The following LARS1 variants were observed in gnomAD, a reference collection of about 807,000 sequenced individuals.
LARS1 encodes leucine--tRNA ligase, cytoplasmic.
Under a neutral mutation model 162.8 loss-of-function variants are expected in LARS1, and 100 were observed. The ratio of observed to expected loss-of-function variants is 0.61; its 90% CI spans 0.52 to 0.73. The LOEUF (loss-of-function observed/expected upper bound fraction) is 0.73. LARS1 is among the 30% of genes least tolerant of loss of function. The probability of loss-of-function intolerance (pLI) is 0.00; values close to 1 mark genes in which losing one functional copy is unlikely to be tolerated. For missense variants in LARS1, 1,258 were observed against 1,408.9 expected (o/e 0.89, Z 1.71); for synonymous variants, 457 against 462.8 (o/e 0.99, Z 0.16).
intron 20 of LARS1, among the ~76,000 whole-genome samples, chr5:146,141,608 A>G (rs555948409): frequency 6.6e-6 from 1 of 151,998 alleles, no homozygotes; most frequent in African/African-American, 2.4e-5. Flanking sequence ...GTTTGAGACC[A>G]GCCTGGGCAA....
chr5:146,132,666 T>C, intron 23 of LARS1: 1 of 348,982 alleles, frequency 2.9e-6, no homozygotes, highest in Non-Finnish European at 5.1e-6. Context: ...ATTTATAAAA[T>C]AGAGCTAATA....
At chr5:146,128,626 G>T (rs758661667) in intron 27 of LARS1, 46 bp downstream of exon 27, 2 of 1,259,432 alleles carry the variant, frequency 1.6e-6, no homozygotes, top group African/African-American at 3.2e-5. Context: ...ACAACATAGG[G>T]AGCATACAAC....
chr5:146,143,330 T>C, intron 19 of LARS1, 82 bp downstream of exon 19: 2 of 1,501,186 alleles, frequency 1.3e-6, no homozygotes, highest in South Asian at 2.7e-5. Context: ...AAATAAATCT[T>C]ATTAAAACAT....
Position 146,132,962 on chromosome 5 carries a change from C to A in LARS1, c.2332G>T (p.Val778Phe). The A allele has an allele frequency of 1.2e-6, 2 of 1,614,114 alleles. No individual in the cohort carries two copies. The highest frequency in any genetic ancestry group is 1.7e-6 in the Non-Finnish European group (2 of 1,179,988). Residue 778 changes from valine to phenylalanine, a missense_variant, in exon 23 of 32, where the codon GTT becomes TTT. Physicochemically the swap from Val to Phe is conservative, Grantham distance 50. Coordinates refer to ENST00000394434, the MANE Select transcript of LARS1 (RefSeq NM_020117.11). ...YTWVEWVKEM[V>F]ANWDSLRSGP... Reference sequence around the variant, plus strand: ...CTTCTTAGGCTGTCCCAGTTGGCAACCATTTCTTTCACCCACTCTACCCAG... The same window carrying A: ...CTTCTTAGGCTGTCCCAGTTGGCAAACATTTCTTTCACCCACTCTACCCAG...
At chr5:146,179,728 T>C (rs1405884847) in intron 1 of LARS1, 1 of 419,382 alleles carries the variant, frequency 2.4e-6, no homozygotes, top group South Asian at 1.7e-5. Flanking sequence ...GCCTCCTGAA[T>C]AGCTGGGACT....
intron 15 of LARS1, among the ~76,000 whole-genome samples, chr5:146,147,550 C>A (rs1261975021): frequency 6.6e-6 from 1 of 151,960 alleles, no homozygotes; most frequent in Non-Finnish European, 1.5e-5. Context: ...CCATACGATT[C>A]TTTAAAAATA....
At chr5:146,157,271 A>T (rs1457279701) in intron 10 of LARS1, 132 bp downstream of exon 10, 2 of 749,848 alleles carry the variant, frequency 2.7e-6, no homozygotes, top group East Asian at 2.6e-5. Flanking sequence ...GCACCAAAAC[A>T]CACAAGACTT....
intron 19 of LARS1, 126 bp from the exon 20 acceptor site, chr5:146,143,210 G>T: frequency 1.2e-6 from 1 of 806,206 alleles, no homozygotes. Flanking sequence ...AACAAATAAG[G>T]ACAACAGCTT....
intron 4 of LARS1, among the ~76,000 whole-genome samples, chr5:146,170,210 T>C (rs1754199476): frequency 6.6e-6 from 1 of 152,200 alleles, no homozygotes; most frequent in Admixed American, 6.5e-5. Context: ...GTCAAGCCTG[T>C]AATCTCAGCA....
chr5:146,162,661 A>C (rs1249670939), intron 6 of LARS1, among the ~76,000 whole-genome samples: 6 of 152,234 alleles, frequency 3.9e-5, no homozygotes, highest in African/African-American at 1.4e-4. Context: ...TAAGCCAGAC[A>C]CTGACTTCTC....
chr5:146,129,175 T>G, intron 25 of LARS1, 57 bp from the exon 26 acceptor site: 1 of 1,424,952 alleles, frequency 7.0e-7, no homozygotes, highest in Non-Finnish European at 9.5e-7. Flanking sequence ...TATAACTATT[T>G]TACGGTTCTT....
chr5:146,153,649 T>C, intron 12 of LARS1, 85 bp downstream of exon 12: 1 of 984,044 alleles, frequency 1.0e-6, no homozygotes, highest in Non-Finnish European at 1.6e-6. Flanking sequence ...CATAGCTTTT[T>C]AGCCTAGTCC....
rs1220864726 is a variant in LARS1, at chr5:146,159,867, G to GAAC, written c.708-400_708-398dup. ...AATCAAGGAAGAATCTTAATTTGTA[G>GAAC]AACAAAGTATAAAATAAAACACAAA... On this transcript the variant is annotated intron_variant, in intron 7 of 31. Transcript: ENST00000394434. 5.3e-5 allele frequency among the ~76,000 whole-genome samples: 8 copies of GAAC among 151,898 alleles called. No individual in the cohort carries two copies. In the East Asian group the frequency reaches 1.6e-3, roughly 30 times the overall value.
chr5:146,159,592 T>C, intron 7 of LARS1, 122 bp from the exon 8 acceptor site: 1 of 690,652 alleles, frequency 1.4e-6, no homozygotes, highest in Admixed American at 2.3e-5. Flanking sequence ...AGTAGATATC[T>C]GTGTCTATTA....
intron 31 of LARS1, among the ~76,000 whole-genome samples, chr5:146,118,133 G>A (rs930165773): frequency 2.0e-5 from 3 of 152,168 alleles, no homozygotes; most frequent in Admixed American, 2.0e-4. Context: ...TCCATCAACG[G>A]ATGAATGAAA....
intron 29 of LARS1, 96 bp downstream of exon 29, chr5:146,123,883 CAGA>C (rs1751935470): frequency 6.9e-6 from 4 of 577,210 alleles, no homozygotes; most frequent in Non-Finnish European, 1.2e-5. Context: ...ATACTAAACA[CAGA>C]AGATGAAATT....
chr5:146,182,508 G>A lies in LARS1; in HGVS notation c.-15C>T, dbSNP rs1161941475. ...CTCACCGCCATTGCACCGCCCAGCC[G>A]ACTGTGCAAATCCACGACAATGACC... On this transcript the variant is annotated 5_prime_UTR_variant, in exon 1 of 32. Coordinates refer to ENST00000394434, the MANE Select transcript of LARS1 (RefSeq NM_020117.11). The A allele has an allele frequency of 6.2e-7, 1 of 1,613,840 alleles. No individual in the cohort carries two copies.
In LARS1 at chr5:146,153,777, G is replaced by A. The variant is rs764462400; in HGVS notation, c.1187C>T (p.Ser396Phe). The stretch of plus-strand genomic sequence containing the variant: ...TCTGAGGGCAGCAATATCATCAGGG[G>A]AGTCGGAAGGAACACTTGTAACCAC... ...TGVVTSVPSD[S>F]PDDIAALRDL... The change falls in exon 12 of 32, where the codon TCC (serine) becomes TTC (phenylalanine). Residue 396 changes from serine to phenylalanine, a missense_variant. Coordinates refer to ENST00000394434, the MANE Select transcript of LARS1 (RefSeq NM_020117.11). 7 of 1,613,914 alleles carry A rather than the reference G, an allele frequency of 4.3e-6. No individual in the cohort carries two copies. The highest frequency in any genetic ancestry group is 2.7e-5 in the African/African-American group (2 of 74,904).
chr5:146,150,984 A>ACACACAC (rs1416455041), intron 14 of LARS1, among the ~76,000 whole-genome samples: 4 of 60,942 alleles, frequency 6.6e-5, no homozygotes, highest in Non-Finnish European at 1.5e-4. Context: ...CACACACACA[A>ACACACAC]ATGTAAATCC....
Sources: gnomAD v4.1 joint callset for allele counts (sites outside exome capture counted in the v4.1 genomes callset) on GRCh38, gnomAD v4.1.1 for gene constraint, MANE v1.5 for transcripts, NCBI Gene and HGNC (gene_info 2026-07-23, HGNC 2026-07-21) for gene names.